LAMP2: variants seen among roughly 807,000 people sequenced by gnomAD.
LAMP2 encodes the protein lysosome-associated membrane glycoprotein 2.
Under a neutral mutation model 25.6 loss-of-function variants are expected in LAMP2, and 4 were observed. That is an observed-to-expected ratio of 0.16 (90% confidence interval 0.08 to 0.36). LAMP2 has a LOEUF of 0.36. Ranked by LOEUF, LAMP2 falls within the 10% of genes least tolerant of loss-of-function variation. LAMP2 has a pLI of 1.00. For synonymous variants in LAMP2, 108 were observed against 112.7 expected (o/e 0.96, Z 0.27); for missense variants, 272 against 301.4 (o/e 0.90, Z 0.72).
intron 1 of LAMP2, among the ~76,000 whole-genome samples, chrX:120,461,545 T>C (rs1443145890): frequency 1.1e-5 from 1 of 89,623 alleles, no homozygotes; most frequent in African/African-American, 3.5e-5. Flanking sequence ...AGATTCCCTT[T>C]AGATAACATT....
chrX:120,460,230 G>A (rs1387711019), intron 1 of LAMP2, among the ~76,000 whole-genome samples: 1 of 109,267 alleles, frequency 9.2e-6, no homozygotes, highest in African/African-American at 3.4e-5. Context: ...CTGAGATCGC[G>A]CCACTGCACT....
At chrX:120,449,262 G>T in intron 3 of LAMP2, 134 bp from the exon 4 acceptor site, 1 of 503,406 alleles carries the variant, frequency 2.0e-6, no homozygotes, top group Non-Finnish European at 3.4e-6. Flanking sequence ...GATATAGCAT[G>T]CTTAAGGGCA....
At chrX:120,468,189 C>G (rs1921622003) in intron 1 of LAMP2, among the ~76,000 whole-genome samples, 1 of 111,660 alleles carries the variant, frequency 9.0e-6, no homozygotes, top group Admixed American at 9.5e-5. Context: ...AAAGAAGAAA[C>G]TCTGAAGGCA....
chrX:120,438,694 A>T (rs1408884578), intron 8 of LAMP2: 6 of 287,368 alleles, frequency 2.1e-5, no homozygotes, highest in Non-Finnish European at 2.4e-5. Context: ...AACAAAAATC[A>T]CACACACACA....
At chrX:120,469,017 C>T in intron 1 of LAMP2, 89 bp downstream of exon 1, 2 of 1,012,058 alleles carry the variant, frequency 2.0e-6, no homozygotes, top group East Asian at 3.0e-5. Flanking sequence ...TCAACCCCCT[C>T]CCCCTCGGAC....
intron 1 of LAMP2, among the ~76,000 whole-genome samples, chrX:120,457,682 T>C (rs1328516065): frequency 8.9e-6 from 1 of 112,357 alleles, no homozygotes; most frequent in Non-Finnish European, 1.9e-5. Flanking sequence ...GGACTCAAAA[T>C]ACTAATTCAG....
intron 1 of LAMP2, among the ~76,000 whole-genome samples, chrX:120,457,192 T>C (rs1921131911): frequency 9.0e-6 from 1 of 111,567 alleles, no homozygotes; most frequent in Admixed American, 9.6e-5. Flanking sequence ...GTTTTTGCGG[T>C]AAATGAGGTA....
chrX:120,445,462 C>T (rs753494065), intron 6 of LAMP2, among the ~76,000 whole-genome samples: 148 of 112,177 alleles, frequency 1.3e-3, no homozygotes, highest in African/African-American at 4.6e-3. Context: ...GATTATTTCC[C>T]CATCCCCAAA....
chrX:120,445,842 T>C (rs2058593457), intron 6 of LAMP2, among the ~76,000 whole-genome samples: 1 of 112,315 alleles, frequency 8.9e-6, no homozygotes, highest in African/African-American at 3.2e-5. Flanking sequence ...CAGAGCTTTG[T>C]ACATAGTAAG....
intron 1 of LAMP2, among the ~76,000 whole-genome samples, chrX:120,464,758 T>C (rs1921464784): frequency 8.9e-6 from 1 of 111,866 alleles, no homozygotes; most frequent in Admixed American, 9.5e-5. Context: ...GTTTTTGTTT[T>C]GTTTTGTTTT....
intron 8 of LAMP2, chrX:120,437,948 C>T (rs996366043): frequency 7.4e-5 from 23 of 312,691 alleles, no homozygotes; most frequent in African/African-American, 6.4e-4. Context: ...CTCTGCCTCC[C>T]GGGTTCAAGT....
intron 3 of LAMP2, among the ~76,000 whole-genome samples, chrX:120,449,866 G>A (rs187559055): frequency 2.1e-3 from 236 of 111,424 alleles, no homozygotes; most frequent in African/African-American, 7.2e-3. Context: ...ACTTAAGAGG[G>A]AAACCAGAGG....
rs142526834 is a variant in LAMP2 at position 120,436,498 on chromosome X, C to T, written c.1094-5036G>A. 3,066 of 738,728 alleles carry T rather than the reference C, an allele frequency of 4.2e-3. 6 individuals are homozygous for T. Among genetic ancestry groups the T allele is most frequent in the Non-Finnish European group, 4.6e-3 (2,910 of 626,095 alleles). 60.9% of individuals were successfully genotyped at this position (738,728 alleles called of 1,213,427 possible). On this transcript the variant is annotated intron_variant, in intron 8 of 8. Transcript: ENST00000200639. Reference sequence around the variant, plus strand: ...ACGGGAAAAAAGGTAAGCAAATTGCCTTAAGAAATAAAAGAATCTTTATTG... The same window carrying T: ...ACGGGAAAAAAGGTAAGCAAATTGCTTTAAGAAATAAAAGAATCTTTATTG...
chrX:120,468,723 C>T (rs1921641793), intron 1 of LAMP2, among the ~76,000 whole-genome samples: 1 of 110,770 alleles, frequency 9.0e-6, no homozygotes, highest in Non-Finnish European at 1.9e-5. Context: ...CTTCCCTGAT[C>T]TCAGCAAACC....
chrX:120,428,433 G>A lies in LAMP2; in HGVS notation c.*2890C>T. 1 of 1,134,743 alleles carries A rather than the reference G, an allele frequency of 8.8e-7. No homozygotes were observed. The highest frequency in any genetic ancestry group is 1.2e-6 in the Non-Finnish European group (1 of 861,759). 93.5% of individuals were successfully genotyped at this position (1,134,743 alleles called of 1,213,427 possible). A position where few individuals can be genotyped will look rare whatever the true frequency, so the allele number is the denominator to read the frequency against. On this transcript the variant is annotated 3_prime_UTR_variant, in exon 9 of 9. Coordinates refer to ENST00000200639, the MANE Select transcript of LAMP2 (RefSeq NM_002294.3). The stretch of plus-strand genomic sequence containing the variant: ...CAGCATGTCCTGGCTTTTAGCCAAT[G>A]GAAACGTAACTTCTAATTGAAAAAA...
intron 8 of LAMP2, chrX:120,438,117 A>T (rs1178749853): frequency 1.5e-6 from 1 of 660,587 alleles, no homozygotes; most frequent in Non-Finnish European, 1.8e-6. Flanking sequence ...TCGGCCTCCC[A>T]AAGTGCTGGG....
Position 120,441,723 on chromosome X carries a change from T to C in LAMP2, c.1093+7A>G, listed in dbSNP as rs2058572709. ...TAAATTATTAATGAAGTTTGCTTGA[T>C]TCTTACCTGTAGAATACTTTCCTTG... On this transcript the variant is annotated splice_region_variant and intron_variant, in intron 8 of 8. Transcript: ENST00000200639. 8.4e-7 allele frequency: 1 copy of C among 1,196,953 alleles called. No individual in the cohort carries two copies. Among genetic ancestry groups the C allele is most frequent in the Non-Finnish European group, 1.1e-6 (1 of 882,020 alleles).
chrX:120,438,855 G>C, intron 8 of LAMP2: 1 of 853,473 alleles, frequency 1.2e-6, no homozygotes, highest in Non-Finnish European at 1.4e-6. Context: ...TTTTTAGTCT[G>C]AATGTCTAAA....
chrX:120,458,255 T>C (rs42897), intron 1 of LAMP2, among the ~76,000 whole-genome samples: 18,291 of 111,422 alleles, frequency 0.16, 1,399 homozygotes, highest in East Asian at 0.34. Context: ...TTATTCTCCT[T>C]GTATTCAAAA....
Sources: allele counts gnomAD v4.1 joint callset (sites outside exome capture counted in the v4.1 genomes callset), GRCh38; gene constraint gnomAD v4.1.1; transcripts MANE v1.5; gene names NCBI Gene and HGNC (gene_info 2026-07-23, HGNC 2026-07-21).